SHANK2: variants seen among roughly 807,000 people sequenced by gnomAD.
SHANK2 encodes SH3 and multiple ankyrin repeat domains 2.
Under a neutral mutation model 133.7 loss-of-function variants are expected in SHANK2, and 43 were observed. The observed-to-expected ratio is 0.32, with a 90% CI of 0.25 to 0.41. The LOEUF is 0.41. Among genes scored for constraint, SHANK2 ranks in the 10% least tolerant of loss-of-function variants. The probability of loss-of-function intolerance (pLI) is 1.00; values close to 1 mark genes in which losing one functional copy is unlikely to be tolerated. For synonymous variants in SHANK2, 1,017 were observed against 952.8 expected (o/e 1.07, Z -1.24); for missense variants, 1,994 against 2,235.8 (o/e 0.89, Z 2.18).
chr11:70,496,255 C>A (rs988161933), intron 21 of SHANK2, among the ~76,000 whole-genome samples: 1 of 152,196 alleles, frequency 6.6e-6, no homozygotes, highest in African/African-American at 2.4e-5. Context: ...TGAGCCAAAT[C>A]TTCAAGAAGC....
At chr11:70,542,917 C>G (rs980864155) in intron 17 of SHANK2, among the ~76,000 whole-genome samples, 2 of 152,180 alleles carry the variant, frequency 1.3e-5, no homozygotes, top group Non-Finnish European at 2.9e-5. Context: ...ACTGTCCCCC[C>G]ATCTGGAGAT....
At chr11:70,660,970 G>A (rs955494419) in intron 16 of SHANK2, among the ~76,000 whole-genome samples, 6 of 152,246 alleles carry the variant, frequency 3.9e-5, no homozygotes, top group Non-Finnish European at 7.3e-5. Context: ...GAAGCTGCGC[G>A]TGCAGGGTGA....
At chr11:70,774,572 G>A (rs1947323220) in intron 14 of SHANK2, among the ~76,000 whole-genome samples, 1 of 152,100 alleles carries the variant, frequency 6.6e-6, no homozygotes, top group East Asian at 1.9e-4. Context: ...CGCCCGCCTT[G>A]GCCTCCCAAA....
chr11:71,167,449 T>C (rs1953181823), intron 2 of SHANK2, among the ~76,000 whole-genome samples: 3 of 134,642 alleles, frequency 2.2e-5, no homozygotes, highest in Non-Finnish European at 3.2e-5. Flanking sequence ...ACGGGGCGGC[T>C]GGCCGGGCAG....
chr11:70,552,785 G>A (rs574086877), intron 17 of SHANK2, among the ~76,000 whole-genome samples: 2 of 152,222 alleles, frequency 1.3e-5, no homozygotes, highest in East Asian at 1.9e-4. Flanking sequence ...GTCTCAGGAC[G>A]GAGGGTGACT....
chr11:70,670,107 G>T (rs1345492007), intron 15 of SHANK2, among the ~76,000 whole-genome samples: 1 of 152,200 alleles, frequency 6.6e-6, no homozygotes, highest in African/African-American at 2.4e-5. Context: ...AGAGAGACTG[G>T]GTGGTGCGTT....
intron 15 of SHANK2, among the ~76,000 whole-genome samples, chr11:70,684,885 C>T (rs549589837): frequency 6.6e-6 from 1 of 152,272 alleles, no homozygotes; most frequent in East Asian, 1.9e-4. Context: ...GAAGAAGGGA[C>T]TCCAGAGATC....
chr11:71,136,734 TG>T (rs1400634435), intron 3 of SHANK2, among the ~76,000 whole-genome samples: 7 of 152,226 alleles, frequency 4.6e-5, no homozygotes, highest in African/African-American at 1.7e-4. Flanking sequence ...AGTGGCTTCC[TG>T]GTCGTCAGGG....
At chr11:70,928,895 T>C (rs949007387) in intron 10 of SHANK2, among the ~76,000 whole-genome samples, 12 of 151,914 alleles carry the variant, frequency 7.9e-5, no homozygotes, top group African/African-American at 2.9e-4. Flanking sequence ...GGGGGTGACC[T>C]GAAAGTGACT....
At chr11:70,495,838 A>G in intron 21 of SHANK2, 1 of 200,656 alleles carries the variant, frequency 5.0e-6, no homozygotes, top group South Asian at 5.7e-5. Flanking sequence ...CAGCCGCAGA[A>G]TCCAGCCCAC....
intron 2 of SHANK2, among the ~76,000 whole-genome samples, chr11:71,156,584 C>G (rs12272223): frequency 0.31 from 47,546 of 152,060 alleles, 8,871 homozygotes; most frequent in African/African-American, 0.51. Context: ...AATTCCACAT[C>G]TAATTCCTTC....
At position 70,551,028 on chromosome 11, in the gene SHANK2, G is replaced by A. The variant is rs1162945653; in HGVS notation, c.2062-48097C>T. Among the ~76,000 whole-genome samples, 4 of 152,186 alleles carry A rather than the reference G, an allele frequency of 2.6e-5. No homozygotes were observed. The South Asian group carries it at 6.2e-4, about 24-fold the overall frequency. On this transcript the variant is annotated intron_variant, in intron 17 of 25. Coordinates refer to ENST00000601538, the MANE Select transcript of SHANK2 (RefSeq NM_012309.5). ...AAGGCGATGCCCCTGAGGGCCAAGC[G>A]GGGAGGGCCAAGGGGCTGGAGTGCC... is the stretch of plus-strand genomic sequence containing the variant.
chr11:71,214,172 C>T (rs1299722633), intron 2 of SHANK2, among the ~76,000 whole-genome samples: 2 of 152,170 alleles, frequency 1.3e-5, no homozygotes, highest in African/African-American at 4.8e-5. Context: ...CCTGGGGCTT[C>T]CCCTGTGGCC....
chr11:71,090,625 CTGTGTGTGTGTGTG>C (rs782587800), intron 8 of SHANK2, among the ~76,000 whole-genome samples: 64 of 102,960 alleles, frequency 6.2e-4, no homozygotes, highest in African/African-American at 1.9e-3. Flanking sequence ...AACACAACCT[CTGTGTGTGTGTGTG>C]TGTGTGTGTG....
intron 25 of SHANK2, among the ~76,000 whole-genome samples, chr11:70,483,536 CAAAAAAAAAAAA>C (rs10590898): frequency 6.7e-5 from 3 of 44,518 alleles, no homozygotes; most frequent in African/African-American, 1.7e-4. Flanking sequence ...TCATCTCTAC[CAAAAAAAAAAAA>C]AAAAAAAAAA....
Position 70,914,494 on chromosome 11 carries a change from C to A in SHANK2, c.1108-17927G>T, listed in dbSNP as rs146300979. ...AGAAAGGCCTTTCAAAAACACAACG[C>A]CCTTGCAAACACACACAAGAGGCTG... On this transcript the variant is annotated intron_variant, in intron 10 of 25. Coordinates refer to ENST00000601538, the MANE Select transcript of SHANK2 (RefSeq NM_012309.5). Among the ~76,000 whole-genome samples the A allele has an allele frequency of 6.4e-3, 976 of 151,694 alleles. 6 individuals carry two copies. Among genetic ancestry groups the A allele is most frequent in the Non-Finnish European group, 0.011 (749 of 67,930 alleles).
chr11:70,491,630 A>G (rs895656396), intron 22 of SHANK2, among the ~76,000 whole-genome samples: 4 of 152,266 alleles, frequency 2.6e-5, no homozygotes, highest in Admixed American at 1.3e-4. Flanking sequence ...AAGGTAAGCA[A>G]TCAGGACAGG....
chr11:70,746,975 C>T (rs1555036296), intron 14 of SHANK2, among the ~76,000 whole-genome samples: 2 of 147,428 alleles, frequency 1.4e-5, no homozygotes, highest in African/African-American at 2.5e-5. Context: ...CCCAGCACTC[C>T]CCTCCCTCCA....
intron 11 of SHANK2, chr11:70,863,318 C>CAACT (rs1949291509): frequency 2.2e-6 from 1 of 458,114 alleles, no homozygotes; most frequent in East Asian, 6.9e-5. Context: ...GCTGATGGCA[C>CAACT]AACTGCCCAG....
Sources: gnomAD v4.1 joint callset for allele counts (sites outside exome capture counted in the v4.1 genomes callset) on GRCh38, gnomAD v4.1.1 for gene constraint, MANE v1.5 for transcripts, NCBI Gene and HGNC (gene_info 2026-07-23, HGNC 2026-07-21) for gene names.